ALOX5: variants seen among roughly 807,000 people sequenced by gnomAD.
The protein encoded by ALOX5 is arachidonate 5-lipoxygenase.
ALOX5 carries 64 observed loss-of-function variants against 87.9 expected under a neutral mutation model. The observed-to-expected ratio is 0.73, with a 90% CI of 0.60 to 0.90. The LOEUF is 0.90. ALOX5 is among the 40% of genes least tolerant of loss of function. The pLI is 0.00. For synonymous variants in ALOX5, 388 were observed against 355.1 expected, an observed-to-expected ratio of 1.09 and a Z score of -1.04; for missense variants, 822 against 907.5, an observed-to-expected ratio of 0.91 and a Z score of 1.21.
chr10:45,395,994 G>T (rs1840488306), intron 3 of ALOX5, 58 bp downstream of exon 3: 2 of 1,548,496 alleles, frequency 1.3e-6, no homozygotes, highest in Admixed American at 3.4e-5. Flanking sequence ...TATCTCAAGA[G>T]CATGGTATGA....
chr10:45,403,235 C>G (rs1288619614), intron 3 of ALOX5, among the ~76,000 whole-genome samples: 2 of 152,174 alleles, frequency 1.3e-5, no homozygotes, highest in Non-Finnish European at 2.9e-5. Flanking sequence ...GTCCAACAAA[C>G]AGTAGAACAG....
intron 4 of ALOX5, among the ~76,000 whole-genome samples, 198 bp from the exon 5 acceptor site, chr10:45,423,843 G>C (rs575586567): frequency 5.3e-5 from 8 of 152,128 alleles, no homozygotes; most frequent in African/African-American, 1.9e-4. Context: ...CTGTCTCTTC[G>C]ACAGGTGAGG....
intron 6 of ALOX5, among the ~76,000 whole-genome samples, chr10:45,426,764 G>A (rs756806947): frequency 1.3e-5 from 2 of 152,152 alleles, no homozygotes; most frequent in African/African-American, 2.4e-5. Flanking sequence ...CCCCTGCACT[G>A]TCTCTCTCTC....
chr10:45,405,809 T>A (rs1018879531), intron 3 of ALOX5, among the ~76,000 whole-genome samples: 2 of 151,802 alleles, frequency 1.3e-5, no homozygotes, highest in Non-Finnish European at 2.9e-5. Context: ...TGATCATGGT[T>A]CACTGCTGCC....
intron 4 of ALOX5, among the ~76,000 whole-genome samples, chr10:45,419,591 C>G (rs531085481): frequency 6.6e-6 from 1 of 152,324 alleles, no homozygotes; most frequent in African/African-American, 2.4e-5. Context: ...GGGGGATGAT[C>G]GGTAGGGAGT....
chr10:45,404,780 G>A (rs1840820234), intron 3 of ALOX5, among the ~76,000 whole-genome samples: 1 of 152,198 alleles, frequency 6.6e-6, no homozygotes, highest in Non-Finnish European at 1.5e-5. Flanking sequence ...AGTTACTGTA[G>A]GGAATATTCC....
intron 3 of ALOX5, among the ~76,000 whole-genome samples, chr10:45,405,142 G>T (rs1300611283): frequency 1.3e-5 from 2 of 152,172 alleles, no homozygotes; most frequent in Admixed American, 1.3e-4. Context: ...AACCAACCTT[G>T]TACAAACATC....
At chr10:45,436,333 T>G (rs917837943) in intron 7 of ALOX5, among the ~76,000 whole-genome samples, 26 of 152,298 alleles carry the variant, frequency 1.7e-4, no homozygotes, top group African/African-American at 5.8e-4. Context: ...GCCTAGGAAA[T>G]GTCCATAAGA....
rs1841100284 is a variant in ALOX5 at position 45,412,449 on chromosome 10, G to A, written c.554+136G>A. 6 of 1,207,044 alleles carry A rather than the reference G, an allele frequency of 5.0e-6. No individual in the cohort carries two copies. In the South Asian group the frequency reaches 7.6e-5, roughly 15 times the overall value. 74.8% of individuals were successfully genotyped at this position (1,207,044 alleles called of 1,614,324 possible). ...GCTGAGCCAAACGCTTTGATGATAT[G>A]TTGGCCATAGAGTGGATTCTCAACG... is the stretch of plus-strand genomic sequence containing the variant. On this transcript the variant is annotated intron_variant, in intron 4 of 13. Coordinates refer to ENST00000374391, the MANE Select transcript of ALOX5 (RefSeq NM_000698.5).
intron 3 of ALOX5, among the ~76,000 whole-genome samples, chr10:45,400,950 A>G (rs1320007231): frequency 6.6e-6 from 1 of 152,230 alleles, no homozygotes; most frequent in Non-Finnish European, 1.5e-5. Flanking sequence ...ATTTAATGGT[A>G]TGTAAATGTA....
At chr10:45,419,221 C>T (rs1301729846) in intron 4 of ALOX5, among the ~76,000 whole-genome samples, 1 of 152,234 alleles carries the variant, frequency 6.6e-6, no homozygotes, top group East Asian at 1.9e-4. Context: ...GGTGAAGGCG[C>T]AGAGGCAGGG....
chr10:45,380,930 A>G (rs1266155517), intron 1 of ALOX5, among the ~76,000 whole-genome samples: 2 of 152,226 alleles, frequency 1.3e-5, no homozygotes, highest in African/African-American at 4.8e-5. Flanking sequence ...CAACACAGTG[A>G]GACTCCACCT....
rs1386314420 is a variant in ALOX5 at position 45,440,595 on chromosome 10, A to G, written c.1147A>G (p.Met383Val). 8.7e-6 allele frequency: 14 copies of G among 1,613,966 alleles called. No individual in the cohort carries two copies. The highest frequency in any genetic ancestry group is 1.6e-4 in the Middle Eastern group (1 of 6,084). ...HLVSEVFGIAMYRQLPAVHPI... is the reference protein window; with the variant it reads ...HLVSEVFGIAVYRQLPAVHPI... ...GGTGTCTGAGGTTTTTGGCATTGCA[A>G]TGTACCGCCAGCTGCCTGCTGTGCA... The change falls in exon 8 of 14, where the codon ATG becomes GTG. Residue 383 changes from methionine to valine, a missense_variant. Met to Val is a conservative substitution (Grantham distance 21). Coordinates refer to ENST00000374391, the MANE Select transcript of ALOX5 (RefSeq NM_000698.5).
In ALOX5 at chr10:45,425,088, G is replaced by A. The variant is rs781496423; in HGVS notation, c.790G>A (p.Glu264Lys). Residue 264 changes from glutamate (E) to lysine (K), a missense_variant, in exon 6 of 14, where the codon GAG becomes AAG. Physicochemically the swap from Glu to Lys is moderately conservative, Grantham distance 56. Transcript: ENST00000374391. This position sits in a 1 kb window ranked among gnomAD's most constrained non-coding sequence, Gnocchi z 4.4. ...GCTCCCGGTGACCACGGAGATGGTA[G>A]AGTGCAGCCTGGAGCGGCAGCTCAG... is the stretch of plus-strand genomic sequence containing the variant. ...EKLPVTTEMV[E>K]CSLERQLSLE... 4 of 1,613,908 alleles carry A rather than the reference G, an allele frequency of 2.5e-6. No homozygotes were observed. Among genetic ancestry groups the A allele is most frequent in the East Asian group, 2.2e-5 (1 of 44,908 alleles).
In ALOX5 at chr10:45,441,857, T is replaced by C. The variant is rs576393498; in HGVS notation, c.1272+427T>C. 2.0e-5 allele frequency among the ~76,000 whole-genome samples: 3 copies of C among 151,838 alleles called. No individual in the cohort carries two copies. In the East Asian group the frequency reaches 5.8e-4, roughly 30 times the overall value. On this transcript the variant is annotated intron_variant, in intron 9 of 13. Transcript: ENST00000374391. ...GGGTCCCAACCCTCCCAACCCACTG[T>C]CTCCTGCATCGGGGACTCCAGGCCC...
chr10:45,375,436 G>T (rs369417856), intron 1 of ALOX5, among the ~76,000 whole-genome samples: 6 of 152,168 alleles, frequency 3.9e-5, no homozygotes, highest in Non-Finnish European at 7.4e-5. Context: ...CTGCAGGTGC[G>T]CAGGGAATAT....
At chr10:45,427,592 G>A (rs1192322477) in intron 6 of ALOX5, among the ~76,000 whole-genome samples, 1 of 152,192 alleles carries the variant, frequency 6.6e-6, no homozygotes, top group Non-Finnish European at 1.5e-5. Flanking sequence ...GCTGCAGGGG[G>A]GCGCTCTGGG....
At chr10:45,440,389 G>C in intron 7 of ALOX5, 41 bp from the exon 8 acceptor site, 1 of 1,591,848 alleles carries the variant, frequency 6.3e-7, no homozygotes, top group Middle Eastern at 1.7e-4. Context: ...ATACTCTGAA[G>C]TGAAATATAG....
chr10:45,443,957 A>G, intron 12 of ALOX5, 129 bp downstream of exon 12: 1 of 1,437,026 alleles, frequency 7.0e-7, no homozygotes, highest in East Asian at 2.5e-5. Context: ...TGCAGGATGG[A>G]TTCTGCCCGC....
Sources: allele counts gnomAD v4.1 joint callset (sites outside exome capture counted in the v4.1 genomes callset), GRCh38; gene constraint gnomAD v4.1.1; non-coding constraint Gnocchi (gnomAD v3.1); transcripts MANE v1.5; gene names NCBI Gene and HGNC (gene_info 2026-07-23, HGNC 2026-07-21).